BDP1: variants seen among roughly 807,000 people sequenced by gnomAD.
The protein encoded by BDP1 is transcription factor TFIIIB component B'' homolog.
A neutral mutation model predicts 266.6 loss-of-function variants in BDP1; 169 were observed. The ratio of observed to expected loss-of-function variants is 0.63; its 90% CI spans 0.56 to 0.72. The LOEUF is 0.72. BDP1 is among the 30% of genes least tolerant of loss of function. BDP1 has a pLI of 0.00. For synonymous variants in BDP1, 1,090 were observed against 1,022.4 expected, an observed-to-expected ratio of 1.07 and a Z score of -1.26; for missense variants, 3,015 against 3,053.8, an observed-to-expected ratio of 0.99 and a Z score of 0.30.
chr5:71,556,886 G>C lies in BDP1; in HGVS notation c.7201G>C (p.Val2401Leu). 1 of 1,397,232 alleles carries C rather than the reference G, an allele frequency of 7.2e-7. No individual in the cohort carries two copies. The highest frequency in any genetic ancestry group is 9.6e-7 in the Non-Finnish European group (1 of 1,040,984). 86.6% of individuals were successfully genotyped at this position (1,397,232 alleles called of 1,614,324 possible). A position where few individuals can be genotyped will look rare whatever the true frequency, so the allele number is the denominator to read the frequency against. The part of the protein sequence containing the change: ...RDDCQEYTTE[V>L]HSKELTNVFE... ...TTTTTTTTAAATTTTCTTAAAATAG[G>C]TGCACTCAAAGGAATTAACAAATGT... is the stretch of plus-strand genomic sequence containing the variant. The change falls in exon 36 of 39, where the codon GTG (valine) becomes CTG (leucine). Residue 2401 changes from valine (V) to leucine (L), a missense_variant and splice_region_variant. Physicochemically the swap from Val to Leu is conservative, Grantham distance 32. This residue lies in a region of BDP1 where 629 missense variants were observed against 632.5 expected (regional missense o/e 0.99). Transcript: ENST00000358731.
At chr5:71,468,609 T>TC (rs1391565178) in intron 6 of BDP1, among the ~76,000 whole-genome samples, 1 of 147,910 alleles carries the variant, frequency 6.8e-6, no homozygotes, top group Non-Finnish European at 1.5e-5. Flanking sequence ...AATATTTCCT[T>TC]TTTTTTTTTT....
At chr5:71,520,304 T>C (rs188503726) in intron 22 of BDP1, among the ~76,000 whole-genome samples, 1 of 152,346 alleles carries the variant, frequency 6.6e-6, no homozygotes, top group African/African-American at 2.4e-5. Flanking sequence ...GAAAAGTCTT[T>C]CCATATTGCT....
At chr5:71,534,362 C>G (rs1195916427) in intron 26 of BDP1, among the ~76,000 whole-genome samples, 1 of 152,184 alleles carries the variant, frequency 6.6e-6, no homozygotes, top group East Asian at 1.9e-4. Context: ...ATTGAATAGT[C>G]TTGGCACCCT....
At chr5:71,478,435 G>T (rs1310995964) in intron 7 of BDP1, among the ~76,000 whole-genome samples, 4 of 152,084 alleles carry the variant, frequency 2.6e-5, no homozygotes, top group African/African-American at 7.2e-5. Context: ...GTCTACTGTT[G>T]AAAAATTTTC....
At position 71,510,694 on chromosome 5, in the gene BDP1, A is replaced by C. The variant is rs199840190; in HGVS notation, c.3602A>C (p.Glu1201Ala). The change falls in exon 17 of 39, where the codon GAA becomes GCA. Residue 1201 changes from glutamate (E) to alanine (A), a missense_variant. Glu to Ala is a moderately radical substitution (Grantham distance 107). Transcript: ENST00000358731. ...DAAEVIETDL[E>A]ETEREISPQE... ...GCTGAGGTAATAGAGACAGATTTGGAAGAAACTGAAAGAGAAATATCGCCA... is the reference window on the plus strand; with the variant it reads ...GCTGAGGTAATAGAGACAGATTTGGCAGAAACTGAAAGAGAAATATCGCCA... The C allele has an allele frequency of 6.2e-4, 998 of 1,614,060 alleles. 5 individuals carry two copies. Among genetic ancestry groups the C allele is most frequent in the South Asian group, 3.5e-3 (320 of 91,070 alleles).
At chr5:71,556,474 A>G (rs1173525226) in intron 35 of BDP1, among the ~76,000 whole-genome samples, 5 of 152,304 alleles carry the variant, frequency 3.3e-5, no homozygotes, top group Non-Finnish European at 7.4e-5. Flanking sequence ...GTTTTTTTCA[A>G]GAATGAATAT....
chr5:71,539,417 C>T (rs1766821486), intron 27 of BDP1, 140 bp from the exon 28 acceptor site: 1 of 638,006 alleles, frequency 1.6e-6, no homozygotes, highest in African/African-American at 1.8e-5. Flanking sequence ...GAACAAAAGA[C>T]TACCTTAGTA....
At chr5:71,488,630 T>C in intron 9 of BDP1, among the ~76,000 whole-genome samples, 1 of 151,834 alleles carries the variant, frequency 6.6e-6, no homozygotes, top group East Asian at 1.9e-4. Flanking sequence ...GGTTTCACCA[T>C]GTTGGCCAGC....
intron 3 of BDP1, among the ~76,000 whole-genome samples, chr5:71,463,035 C>T (rs1761676191): frequency 6.6e-6 from 1 of 152,024 alleles, no homozygotes; most frequent in African/African-American, 2.4e-5. Flanking sequence ...ATCACTTGAG[C>T]CTGGGAGTTC....
chr5:71,489,840 TAAA>T (rs34716350), intron 10 of BDP1, among the ~76,000 whole-genome samples, 158 bp downstream of exon 10: 26 of 152,324 alleles, frequency 1.7e-4, no homozygotes, highest in African/African-American at 5.3e-4. Flanking sequence ...TATTTTTAAT[TAAA>T]AAAGTTTATG....
intron 38 of BDP1, 58 bp from the exon 39 acceptor site, chr5:71,564,696 A>G: frequency 1.5e-6 from 2 of 1,370,620 alleles, no homozygotes; most frequent in Middle Eastern, 2.5e-4. Flanking sequence ...ACACACACAT[A>G]TATATATAAA....
Position 71,560,224 on chromosome 5 carries a change from G to A in BDP1, c.7483G>A (p.Ala2495Thr). The change falls in exon 37 of 39, where the codon GCC (alanine) becomes ACC (threonine). Residue 2495 changes from alanine to threonine, a missense_variant. Ala to Thr is a moderately conservative substitution (Grantham distance 58). Around this residue, in one of 3 missense-constraint regions of BDP1, gnomAD observed 629 missense variants for 632.5 expected, o/e 0.99. Coordinates refer to ENST00000358731, the MANE Select transcript of BDP1 (RefSeq NM_018429.3). ...GGATAGCAGAACATCGTCTTCTAAA[G>A]CCTCACTATCCAGGTATCATGAACA... is the stretch of plus-strand genomic sequence containing the variant. ...QMDSRTSSSK[A>T]SLSRPGRRPL... is the part of the protein sequence containing the mutation. The A allele has an allele frequency of 1.2e-6, 2 of 1,614,024 alleles. No homozygotes were observed. Among genetic ancestry groups the A allele is most frequent in the Non-Finnish European group, 1.7e-6 (2 of 1,179,984 alleles).
intron 6 of BDP1, among the ~76,000 whole-genome samples, 199 bp downstream of exon 6, chr5:71,467,686 A>AT (rs957426154): frequency 1.1e-4 from 16 of 152,110 alleles, no homozygotes; most frequent in Non-Finnish European, 1.9e-4. Context: ...AAAAAATTTT[A>AT]TTTTTTATAG....
rs532485477 is a variant in BDP1, at chr5:71,467,805, A to G, written c.919+318A>G. On this transcript the variant is annotated intron_variant, in intron 6 of 38. Coordinates refer to ENST00000358731, the MANE Select transcript of BDP1 (RefSeq NM_018429.3). ...CAGGAGTTTGAGACCAACTTGGGCA[A>G]CAAAGCAAGACCTCATCTCTACAAA... Among the ~76,000 whole-genome samples the G allele has an allele frequency of 6.6e-5, 10 of 152,292 alleles. No homozygotes were observed. The South Asian group carries it at 1.9e-3, about 28-fold the overall frequency.
downstream of BDP1, among the ~76,000 whole-genome samples, chr5:71,568,619 C>T (rs2112171310): frequency 6.6e-6 from 1 of 152,276 alleles, no homozygotes; most frequent in East Asian, 1.9e-4. Context: ...CTTGTTTCTT[C>T]CCTTCAAAAA....
At chr5:71,530,271 A>G (rs1419537563) in intron 25 of BDP1, among the ~76,000 whole-genome samples, 1 of 151,618 alleles carries the variant, frequency 6.6e-6, no homozygotes, top group African/African-American at 2.4e-5. Context: ...GTCTTACTCC[A>G]TTGCCCAGGC....
intron 25 of BDP1, among the ~76,000 whole-genome samples, chr5:71,530,799 T>C (rs189866487): frequency 3.9e-5 from 6 of 152,294 alleles, no homozygotes; most frequent in Non-Finnish European, 4.4e-5. Context: ...ATATGTTGGC[T>C]GGGCACAGGG....
intron 18 of BDP1, among the ~76,000 whole-genome samples, 192 bp downstream of exon 18, chr5:71,512,620 G>A (rs754608812): frequency 3.3e-5 from 5 of 152,174 alleles, no homozygotes; most frequent in African/African-American, 7.2e-5. Context: ...AAAATTGTAT[G>A]TAACAGTCTT....
downstream of BDP1, among the ~76,000 whole-genome samples, chr5:71,569,096 T>G (rs768737157): frequency 1.3e-5 from 2 of 152,222 alleles, no homozygotes; most frequent in Non-Finnish European, 2.9e-5. Context: ...GATAACTTAT[T>G]GTCATTCCCC....
Sources: allele counts gnomAD v4.1 joint callset (sites outside exome capture counted in the v4.1 genomes callset), GRCh38; gene constraint gnomAD v4.1.1; regional missense constraint gnomAD v4.1.1; transcripts MANE v1.5; gene names NCBI Gene and HGNC (gene_info 2026-07-23, HGNC 2026-07-21).